The following GDAP2 variants were observed in gnomAD, a reference collection of about 807,000 sequenced individuals.
The protein encoded by GDAP2 is ganglioside-induced differentiation-associated protein 2.
A neutral mutation model predicts 67.0 loss-of-function variants in GDAP2; 51 were observed. The observed-to-expected ratio is 0.76, with a 90% CI of 0.61 to 0.96. The LOEUF is 0.96. GDAP2 is among the 40% of genes least tolerant of loss of function. GDAP2 has a pLI of 0.00. For synonymous variants in GDAP2, 203 were observed against 207.3 expected, an observed-to-expected ratio of 0.98 and a Z score of 0.18; for missense variants, 547 against 588.3, an observed-to-expected ratio of 0.93 and a Z score of 0.73.
At position 117,896,979 on chromosome 1, in the gene GDAP2, T is replaced by C. The variant is rs761317421; in HGVS notation, c.807A>G (p.Glu269=). 3 of 1,601,292 alleles carry C rather than the reference T, an allele frequency of 1.9e-6. No individual in the cohort carries two copies. Among genetic ancestry groups the C allele is most frequent in the South Asian group, 2.2e-5 (2 of 89,078 alleles). The change falls in exon 8 of 14, where the codon GAA becomes GAG. Residue 269 remains glutamate (E), a synonymous_variant. Transcript: ENST00000369443. ...CAACTCCCAAGCCTTCATCCTCCTC[T>C]TCTTGGTTATCTGTAACAAAAATGC... The part of the protein sequence containing the change: ...EKPGAPEDNQ[E]EEDEGLGVDL...
chr1:117,912,486 A>C, intron 4 of GDAP2, 44 bp downstream of exon 4: 1 of 1,529,082 alleles, frequency 6.5e-7, no homozygotes, highest in Non-Finnish European at 8.9e-7. Flanking sequence ...TGGGGCCTTT[A>C]ACAATGTATG....
chr1:117,906,535 CT>C lies in GDAP2; in HGVS notation c.606del (p.Val203Ter). 1 of 1,579,300 alleles carries C rather than the reference CT, an allele frequency of 6.3e-7. No homozygotes were observed. Among genetic ancestry groups the C allele is most frequent in the Non-Finnish European group, 8.7e-7 (1 of 1,151,258 alleles). On this transcript the variant is annotated frameshift_variant, in exon 6 of 14. Coordinates refer to ENST00000369443, the MANE Select transcript of GDAP2 (RefSeq NM_017686.4). LOFTEE classifies it high-confidence loss of function. Reference sequence around the variant, plus strand: ...TCAAGATCAGAGACAGCAAATACTACTTTTTCAATGGTTTCCCCATGAATCT... The same window carrying C: ...TCAAGATCAGAGACAGCAAATACTACTTTTCAATGGTTTCCCCATGAATCT... ...FLEIHGETIEKVVFAVSDLEE... is the reference protein window; with the variant it reads ...FLEIHGETIEXVVFAVSDLEE...
At chr1:117,877,454 T>C (rs982428877) in intron 13 of GDAP2, 32 of 976,642 alleles carry the variant, frequency 3.3e-5, no homozygotes, top group Middle Eastern at 5.2e-4. Flanking sequence ...ATAGAATAAA[T>C]TGATGAAATT....
At chr1:117,912,171 A>G in intron 4 of GDAP2, 89 bp from the exon 5 acceptor site, 1 of 788,434 alleles carries the variant, frequency 1.3e-6, no homozygotes, top group East Asian at 2.6e-5. Context: ...ATCTAGCTCA[A>G]CTTCTCCTTT....
At chr1:117,871,088 A>G (rs1648243650) in intron 13 of GDAP2, among the ~76,000 whole-genome samples, 1 of 152,196 alleles carries the variant, frequency 6.6e-6, no homozygotes, top group Admixed American at 6.5e-5. Flanking sequence ...ACTGTGTGCC[A>G]AATCTTAATT....
In GDAP2 at chr1:117,867,723, G is replaced by T. The variant is rs1312178765; in HGVS notation, c.*2846C>A. The stretch of plus-strand genomic sequence containing the variant: ...TCCAAAAAAAAAAGAAAAAGAAAAA[G>T]GAAATATAAAGCATCCGCCAATGAA... On this transcript the variant is annotated 3_prime_UTR_variant, in exon 14 of 14. Coordinates refer to ENST00000369443, the MANE Select transcript of GDAP2 (RefSeq NM_017686.4). The T allele has an allele frequency of 6.6e-6, 1 of 151,260 alleles. No homozygotes were observed. The highest frequency in any genetic ancestry group is 1.5e-5 in the Non-Finnish European group (1 of 67,810). 9.4% of individuals were successfully genotyped at this position (151,260 alleles called of 1,614,324 possible).
chr1:117,877,670 C>G, intron 13 of GDAP2: 1 of 1,026,200 alleles, frequency 9.7e-7, no homozygotes, highest in Non-Finnish European at 1.2e-6. Context: ...TCTTCTGGCT[C>G]TGTGTAGATG....
intron 7 of GDAP2, among the ~76,000 whole-genome samples, chr1:117,898,438 T>A (rs1265937530): frequency 6.6e-6 from 1 of 152,186 alleles, no homozygotes; most frequent in Non-Finnish European, 1.5e-5. Context: ...TTAAAAGAAA[T>A]GTTCACTCTA....
intron 8 of GDAP2, among the ~76,000 whole-genome samples, chr1:117,894,940 C>T (rs1207463883): frequency 2.6e-5 from 4 of 151,968 alleles, no homozygotes; most frequent in South Asian, 2.1e-4. Context: ...ACTATACAAT[C>T]GATACTAACA....
At chr1:117,906,687 CTTCA>C (rs1369949205) in intron 5 of GDAP2, 105 bp from the exon 6 acceptor site, 3 of 655,100 alleles carry the variant, frequency 4.6e-6, no homozygotes, top group Non-Finnish European at 8.0e-6. Flanking sequence ...TCACTTCTCA[CTTCA>C]TTCAGCACTC....
rs973894562 is a variant in GDAP2 at position 117,869,977 on chromosome 1, T to C, written c.*592A>G. 6.6e-6 allele frequency: 1 copy of C among 152,442 alleles called. No homozygotes were observed. Among genetic ancestry groups the C allele is most frequent in the Admixed American group, 6.5e-5 (1 of 15,282 alleles). 9.4% of individuals were successfully genotyped at this position (152,442 alleles called of 1,614,324 possible). A position where few individuals can be genotyped will look rare whatever the true frequency, so the allele number is the denominator to read the frequency against. On this transcript the variant is annotated 3_prime_UTR_variant, in exon 14 of 14. Coordinates refer to ENST00000369443, the MANE Select transcript of GDAP2 (RefSeq NM_017686.4). ...CCAAGGAACCTTAGTCCTTAAACTTTAGTCTTAACTTGTACATTAACATTC... is the reference window on the plus strand; with the variant it reads ...CCAAGGAACCTTAGTCCTTAAACTTCAGTCTTAACTTGTACATTAACATTC...
chr1:117,888,847 A>C (rs1049014880), intron 8 of GDAP2, among the ~76,000 whole-genome samples: 1 of 152,166 alleles, frequency 6.6e-6, no homozygotes, highest in Non-Finnish European at 1.5e-5. Context: ...TGGGAGGGAC[A>C]CCTTTCAGCT....
At chr1:117,926,288 C>A (rs925603550) in intron 1 of GDAP2, among the ~76,000 whole-genome samples, 1 of 152,232 alleles carries the variant, frequency 6.6e-6, no homozygotes, top group African/African-American at 2.4e-5. Context: ...ACATTTATTA[C>A]TGATCATTTC....
rs1354509615 is a variant in GDAP2 at position 117,863,487 on chromosome 1, G to A, written c.*7082C>T. ...TAATAATGCTAAGTTGAGCCCAATGGTCTGAATATTCCTTTACTGTAGCAC... is the reference window on the plus strand; with the variant it reads ...TAATAATGCTAAGTTGAGCCCAATGATCTGAATATTCCTTTACTGTAGCAC... On this transcript the variant is annotated 3_prime_UTR_variant, in exon 14 of 14. Transcript: ENST00000369443. 6.6e-6 allele frequency: 1 copy of A among 152,140 alleles called. No homozygotes were observed. The highest frequency in any genetic ancestry group is 1.5e-5 in the Non-Finnish European group (1 of 68,024). The allele number at this position is 152,140 out of a possible 1,614,324, so 9.4% of individuals were successfully genotyped here.
At chr1:117,923,702 T>G (rs1349776223) in intron 1 of GDAP2, among the ~76,000 whole-genome samples, 7 of 152,210 alleles carry the variant, frequency 4.6e-5, no homozygotes, top group Non-Finnish European at 8.8e-5. Context: ...GATAGAACTG[T>G]GCAGGCACCC....
chr1:117,897,169 G>A (rs1649292206), intron 7 of GDAP2, among the ~76,000 whole-genome samples, 180 bp from the exon 8 acceptor site: 1 of 152,226 alleles, frequency 6.6e-6, no homozygotes, highest in Non-Finnish European at 1.5e-5. Context: ...GAAAGAAACT[G>A]CCTGTCCATG....
At chr1:117,926,803 T>A (rs1047842324) in intron 1 of GDAP2, among the ~76,000 whole-genome samples, 20 of 152,130 alleles carry the variant, frequency 1.3e-4, no homozygotes, top group African/African-American at 4.8e-4. Context: ...GTAAATAAAT[T>A]TGAATTAGAA....
At chr1:117,900,797 A>G (rs1249190425) in intron 6 of GDAP2, among the ~76,000 whole-genome samples, 2 of 151,340 alleles carry the variant, frequency 1.3e-5, no homozygotes, top group East Asian at 3.9e-4. Context: ...ACGGTGGCTC[A>G]CGCCTATAAT....
At chr1:117,926,455 C>T (rs970254346) in intron 1 of GDAP2, among the ~76,000 whole-genome samples, 20 of 152,182 alleles carry the variant, frequency 1.3e-4, no homozygotes, top group Non-Finnish European at 2.1e-4. Flanking sequence ...AAAAGTAATG[C>T]TCATAGCTCT....
Sources: gnomAD v4.1 joint callset for allele counts (sites outside exome capture counted in the v4.1 genomes callset) on GRCh38, gnomAD v4.1.1 for gene constraint, MANE v1.5 for transcripts, NCBI Gene and HGNC (gene_info 2026-07-23, HGNC 2026-07-21) for gene names.